GPCPD1: variants seen among roughly 807,000 people sequenced by gnomAD.
GPCPD1 encodes the protein glycerophosphocholine phosphodiesterase GPCPD1.
A neutral mutation model predicts 89.2 loss-of-function variants in GPCPD1; 29 were observed. The ratio of observed to expected loss-of-function variants is 0.33; its 90% CI spans 0.24 to 0.44. The LOEUF is 0.44. Ranked by LOEUF, GPCPD1 falls within the 20% of genes least tolerant of loss-of-function variation. The pLI is 1.00. For missense variants in GPCPD1, 594 were observed against 808.9 expected, an observed-to-expected ratio of 0.73 and a Z score of 3.22; for synonymous variants, 258 against 266.3, an observed-to-expected ratio of 0.97 and a Z score of 0.30.
At chr20:5,604,615 G>GGGGGC (rs1568682451) in intron 1 of GPCPD1, among the ~76,000 whole-genome samples, 175 bp from the exon 2 acceptor site, 3 of 77,996 alleles carry the variant, frequency 3.8e-5, no homozygotes, top group Non-Finnish European at 7.4e-5. Context: ...TTAGTGCGGG[G>GGGGGC]GGGGGGGGGC....
chr20:5,546,088 T>C lies in GPCPD1; in HGVS notation c.*1573A>G, dbSNP rs1165063593. 4 of 152,212 alleles carry C rather than the reference T, an allele frequency of 2.6e-5. No homozygotes were observed. Among genetic ancestry groups the C allele is most frequent in the Non-Finnish European group, 4.4e-5 (3 of 68,048 alleles). 9.4% of individuals were successfully genotyped at this position (152,212 alleles called of 1,614,324 possible). On this transcript the variant is annotated 3_prime_UTR_variant, in exon 20 of 20. Coordinates refer to ENST00000379019, the MANE Select transcript of GPCPD1 (RefSeq NM_019593.5). ...AAAGTGCCCAATTCACACCAAAATT[T>C]TGGAAAATCTCATACAATGTGGGAA...
chr20:5,567,398 G>T, intron 13 of GPCPD1, 85 bp downstream of exon 13: 1 of 1,424,318 alleles, frequency 7.0e-7, no homozygotes, highest in Non-Finnish European at 9.3e-7. Flanking sequence ...TCATCCCCAT[G>T]TGCAAAGAGA....
At chr20:5,549,059 C>T (rs1237669979) in intron 19 of GPCPD1, 1 of 653,390 alleles carries the variant, frequency 1.5e-6, no homozygotes, top group African/African-American at 1.8e-5. Context: ...TCTGTACAAC[C>T]ATATCCAGTT....
intron 14 of GPCPD1, 149 bp from the exon 15 acceptor site, chr20:5,565,227 CT>C (rs200724429): frequency 0.24 from 109,637 of 465,602 alleles, 283 homozygotes; most frequent in South Asian, 0.3. Flanking sequence ...TCTGAGATCC[CT>C]TTTTTTTTTT....
At chr20:5,570,918 A>G (rs1986678976) in intron 11 of GPCPD1, among the ~76,000 whole-genome samples, 2 of 152,206 alleles carry the variant, frequency 1.3e-5, no homozygotes, top group African/African-American at 4.8e-5. Context: ...AATTTAAAGA[A>G]AAAAAGAAAG....
rs370522670 is a variant in GPCPD1 at position 5,570,143 on chromosome 20, G to C, written c.1149+4C>G. The C allele has an allele frequency of 1.4e-6, 2 of 1,402,490 alleles. No homozygotes were observed. The highest frequency in any genetic ancestry group is 1.0e-6 in the Non-Finnish European group (1 of 997,244). 86.9% of individuals were successfully genotyped at this position (1,402,490 alleles called of 1,614,324 possible). A position where few individuals can be genotyped will look rare whatever the true frequency, so the allele number is the denominator to read the frequency against. On this transcript the variant is annotated splice_donor_region_variant and intron_variant, in intron 12 of 19. Transcript: ENST00000379019. ...GAGTTTGAAATGAAGAAATTTCAAC[G>C]TACCTTTTTCATAGTCAAACAACAG...
intron 1 of GPCPD1, 77 bp from the exon 2 acceptor site, chr20:5,604,517 C>T: frequency 1.7e-6 from 1 of 604,786 alleles, no homozygotes. Context: ...ACAACTTCAA[C>T]CAAGAGCTAT....
At chr20:5,559,504 G>A (rs56325693) in intron 17 of GPCPD1, among the ~76,000 whole-genome samples, 14,013 of 152,270 alleles carry the variant, frequency 0.092, 1,055 homozygotes, top group African/African-American at 0.21. Flanking sequence ...AGGACTGCTT[G>A]TGCCCGAGAG....
Position 5,598,764 on chromosome 20 carries a change from T to G in GPCPD1, c.107A>C (p.Asn36Thr). Residue 36 changes from asparagine (N) to threonine (T), a missense_variant, in exon 3 of 20, where the codon AAT becomes ACT. By Grantham distance (65) the Asn-to-Thr change is moderately conservative (BLOSUM62 0). Transcript: ENST00000379019. ...ATTCTCTGGAAGAAGAGCCACAGCATTTTGAGGATTCCAGTTTCCCAAAGC... is the reference window on the plus strand; with the variant it reads ...ATTCTCTGGAAGAAGAGCCACAGCAGTTTGAGGATTCCAGTTTCCCAAAGC... ...CDALGNWNPQ[N>T]AVALLPENDT... The G allele has an allele frequency of 1.2e-6, 2 of 1,613,330 alleles. No homozygotes were observed. Among genetic ancestry groups the G allele is most frequent in the Non-Finnish European group, 1.7e-6 (2 of 1,179,248 alleles).
At chr20:5,553,081 A>G (rs1470064950) in intron 19 of GPCPD1, among the ~76,000 whole-genome samples, 1 of 152,122 alleles carries the variant, frequency 6.6e-6, no homozygotes. Context: ...CGCTTTTCAG[A>G]TACTGTGTTT....
At chr20:5,565,274 T>C (rs1265914834) in intron 14 of GPCPD1, among the ~76,000 whole-genome samples, 196 bp from the exon 15 acceptor site, 6 of 151,780 alleles carry the variant, frequency 4.0e-5, no homozygotes, top group Admixed American at 6.6e-5. Context: ...TCATCTAGGC[T>C]GGAACACAGT....
intron 6 of GPCPD1, among the ~76,000 whole-genome samples, chr20:5,582,550 G>A (rs1390734733): frequency 3.9e-5 from 6 of 152,028 alleles, no homozygotes; most frequent in Admixed American, 6.6e-5. Flanking sequence ...ACACAATTCC[G>A]CCCACCCGCT....
chr20:5,572,094 C>T (rs900548701), intron 11 of GPCPD1, among the ~76,000 whole-genome samples: 3 of 151,942 alleles, frequency 2.0e-5, no homozygotes, highest in African/African-American at 7.3e-5. Flanking sequence ...TGACACATGC[C>T]TGTGGTCCCA....
In GPCPD1 at chr20:5,589,420, TGACC is replaced by T. The variant is rs1425818972; in HGVS notation, c.232-3155_232-3152del. ...TGAGGTCGGGAGTTAGAGAACAGCC[TGACC>T]AACATAGAGAAACCTCATCTCTACT... is the stretch of plus-strand genomic sequence containing the variant. On this transcript the variant is annotated intron_variant, in intron 4 of 19. Coordinates refer to ENST00000379019, the MANE Select transcript of GPCPD1 (RefSeq NM_019593.5). Among the ~76,000 whole-genome samples, 8 of 152,166 alleles carry T rather than the reference TGACC, an allele frequency of 5.3e-5. No individual in the cohort carries two copies. The East Asian group carries it at 1.5e-3, about 29-fold the overall frequency.
At chr20:5,548,855 A>AC (rs1985195678) in intron 19 of GPCPD1, 2 of 941,346 alleles carry the variant, frequency 2.1e-6, no homozygotes, top group Admixed American at 5.8e-5. Context: ...CAAACCAGAA[A>AC]CCACCCCTAC....
chr20:5,604,268 A>T, intron 2 of GPCPD1, 96 bp downstream of exon 2: 1 of 701,692 alleles, frequency 1.4e-6, no homozygotes, highest in Non-Finnish European at 2.6e-6. Flanking sequence ...CTAAAAAATC[A>T]GGCCCACTCT....
At chr20:5,563,217 G>A (rs1986192293) in intron 15 of GPCPD1, among the ~76,000 whole-genome samples, 2 of 152,110 alleles carry the variant, frequency 1.3e-5, no homozygotes, top group Admixed American at 1.3e-4. Context: ...CTGACCTCGT[G>A]ATCCACCTGC....
chr20:5,576,184 G>T (rs1978288340), intron 8 of GPCPD1, among the ~76,000 whole-genome samples: 1 of 151,718 alleles, frequency 6.6e-6, no homozygotes, highest in African/African-American at 2.4e-5. Flanking sequence ...ACTTTGGGAT[G>T]CTGACGCAGG....
At chr20:5,580,330 C>G (rs1978369426) in intron 6 of GPCPD1, among the ~76,000 whole-genome samples, 199 bp from the exon 7 acceptor site, 1 of 151,782 alleles carries the variant, frequency 6.6e-6, no homozygotes, top group South Asian at 2.1e-4. Context: ...TATTGCAAAC[C>G]AAGGGTGACA....
Sources: gnomAD v4.1 joint callset for allele counts (sites outside exome capture counted in the v4.1 genomes callset) on GRCh38, gnomAD v4.1.1 for gene constraint, MANE v1.5 for transcripts, NCBI Gene and HGNC (gene_info 2026-07-23, HGNC 2026-07-21) for gene names.